Variants in CFAP91 observed in about 807,000 individuals in gnomAD.
CFAP91 encodes cilia and flagella associated protein 91.
CFAP91 carries 85 observed loss-of-function variants against 95.9 expected under a neutral mutation model. The observed-to-expected ratio is 0.89, with a 90% CI of 0.74 to 1.06. CFAP91 has a LOEUF of 1.06. CFAP91 is among the 50% of genes least tolerant of loss of function. The pLI is 0.00. For synonymous variants in CFAP91, 335 were observed against 327.5 expected (o/e 1.02, Z -0.25); for missense variants, 962 against 943.4 (o/e 1.02, Z -0.26).
chr3:119,709,893 C>A lies in CFAP91; in HGVS notation c.498C>A (p.Ser166=). The A allele has an allele frequency of 6.2e-7, 1 of 1,604,458 alleles. No homozygotes were observed. The highest frequency in any genetic ancestry group is 8.5e-7 in the Non-Finnish European group (1 of 1,171,554). ...QMPFNVVYAV[S]KAEPYTFPPT... ...CATTCAATGTTGTTTATGCCGTATC[C>A]AAGTAAGTAACCATTATTTGAAAAC... Residue 166 remains serine, a splice_region_variant and synonymous_variant, in exon 5 of 18, where the codon TCC becomes TCA. Transcript: ENST00000273390.
chr3:119,717,281 G>A (rs1005944459), intron 6 of CFAP91, among the ~76,000 whole-genome samples: 5 of 152,210 alleles, frequency 3.3e-5, no homozygotes, highest in South Asian at 2.1e-4. Flanking sequence ...CTCTTGGTGT[G>A]ATAAGGACTT....
chr3:119,727,114 G>A (rs145240461), intron 7 of CFAP91, among the ~76,000 whole-genome samples: 20 of 152,314 alleles, frequency 1.3e-4, no homozygotes, highest in African/African-American at 4.3e-4. Context: ...CGTTTGCTGA[G>A]TTTGTCCTTT....
At position 119,707,395 on chromosome 3, in the gene CFAP91, TA is replaced by T; in HGVS notation, c.202-7del. ...AATTTTGTCCTTTGCCTCCCTTCTC[TA>T]ACATTAGAGAAAAGTTCCCAGGTTT... On this transcript the variant is annotated splice_region_variant and splice_polypyrimidine_tract_variant and intron_variant, in intron 2 of 17. Transcript: ENST00000273390. The T allele has an allele frequency of 6.5e-7, 1 of 1,529,420 alleles. No homozygotes were observed. The highest frequency in any genetic ancestry group is 8.9e-7 in the Non-Finnish European group (1 of 1,126,944). The allele number at this position is 1,529,420 out of a possible 1,614,324, so 94.7% of individuals were successfully genotyped here.
intron 2 of CFAP91, 184 bp from the exon 3 acceptor site, chr3:119,707,220 C>T: frequency 1.9e-6 from 1 of 524,366 alleles, no homozygotes; most frequent in East Asian, 2.9e-5. Flanking sequence ...TCCACATAAA[C>T]AGCCATTGTC....
Position 119,743,975 on chromosome 3 carries a change from G to T in CFAP91, c.1681G>T (p.Val561Leu). The stretch of plus-strand genomic sequence containing the variant: ...TTAAAGTTATGTTATTCTTTTCAAG[G>T]TGTCACTGGTTGAAAACCATTTGGC... ...QRQRNLHEHK[V>L]SLVENHLAGL... Residue 561 changes from valine to leucine, a missense_variant and splice_region_variant, in exon 14 of 18, where the codon GTG becomes TTG. By Grantham distance (32) the Val-to-Leu change is conservative (BLOSUM62 1). Transcript: ENST00000273390. 6.3e-7 allele frequency: 1 copy of T among 1,597,334 alleles called. No individual in the cohort carries two copies. The highest frequency in any genetic ancestry group is 8.5e-7 in the Non-Finnish European group (1 of 1,170,042).
At chr3:119,726,913 G>A (rs897490081) in intron 7 of CFAP91, among the ~76,000 whole-genome samples, 1 of 149,982 alleles carries the variant, frequency 6.7e-6, no homozygotes, top group African/African-American at 2.5e-5. Flanking sequence ...GACAAATTAT[G>A]GAATTCTTCC....
intron 7 of CFAP91, 82 bp from the exon 8 acceptor site, chr3:119,730,131 CACAGAGA>C (rs766835433): frequency 1.5e-6 from 2 of 1,337,040 alleles, no homozygotes; most frequent in Non-Finnish European, 2.1e-6. Context: ...GATAGCAGCC[CACAGAGA>C]AGAGCCTGTC....
chr3:119,712,301 C>A (rs936315039), intron 5 of CFAP91, among the ~76,000 whole-genome samples: 1 of 152,218 alleles, frequency 6.6e-6, no homozygotes, highest in African/African-American at 2.4e-5. Flanking sequence ...TTCAAAGTAG[C>A]TTTCCTCTTT....
intron 17 of CFAP91, among the ~76,000 whole-genome samples, chr3:119,760,788 G>A (rs188966273): frequency 1.9e-4 from 29 of 150,364 alleles, no homozygotes; most frequent in African/African-American, 7.1e-4. Context: ...AGAAGTCAAA[G>A]AAGAAATGAA....
intron 16 of CFAP91, 81 bp downstream of exon 16, chr3:119,747,983 C>A: frequency 9.1e-7 from 1 of 1,097,390 alleles, no homozygotes; most frequent in Non-Finnish European, 1.3e-6. Context: ...TAAAATTAAA[C>A]AGAGGGATGA....
intron 3 of CFAP91, 87 bp from the exon 4 acceptor site, chr3:119,708,504 T>A (rs2053415943): frequency 1.3e-5 from 11 of 851,192 alleles, no homozygotes; most frequent in Non-Finnish European, 2.1e-5. Flanking sequence ...TCTGTGTAGG[T>A]CCTACTCTAT....
At chr3:119,749,991 A>G (rs1007730236) in intron 16 of CFAP91, among the ~76,000 whole-genome samples, 2 of 152,140 alleles carry the variant, frequency 1.3e-5, no homozygotes, top group African/African-American at 4.8e-5. Flanking sequence ...CTCATTTTTC[A>G]CTTAATGGAA....
chr3:119,721,136 AAG>A (rs1277270671), intron 6 of CFAP91, among the ~76,000 whole-genome samples: 5 of 152,244 alleles, frequency 3.3e-5, no homozygotes, highest in Non-Finnish European at 7.3e-5. Context: ...TGTATTTTAA[AAG>A]AGTGACTTAT....
At chr3:119,708,718 A>G (rs762751762) in intron 4 of CFAP91, 44 bp downstream of exon 4, 2 of 1,111,326 alleles carry the variant, frequency 1.8e-6, no homozygotes, top group South Asian at 2.7e-5. Context: ...TAATATTATT[A>G]GAGAACCTCT....
intron 5 of CFAP91, among the ~76,000 whole-genome samples, chr3:119,711,352 G>C (rs2053469294): frequency 6.6e-6 from 1 of 152,166 alleles, no homozygotes; most frequent in African/African-American, 2.4e-5. Context: ...AGCAAAAGGG[G>C]AGCTATGAGC....
chr3:119,734,932 C>T (rs2053972840), intron 10 of CFAP91, among the ~76,000 whole-genome samples: 2 of 152,162 alleles, frequency 1.3e-5, no homozygotes, highest in South Asian at 4.1e-4. Flanking sequence ...AAAATTTTAA[C>T]CACTACTGCA....
chr3:119,722,351 C>T (rs951057546), intron 6 of CFAP91, among the ~76,000 whole-genome samples: 8 of 152,024 alleles, frequency 5.3e-5, no homozygotes, highest in South Asian at 2.1e-4. Flanking sequence ...CCCAGCTACT[C>T]GGGAGGCTGA....
intron 6 of CFAP91, among the ~76,000 whole-genome samples, chr3:119,723,807 T>A (rs1462853669): frequency 6.6e-6 from 1 of 152,174 alleles, no homozygotes; most frequent in African/African-American, 2.4e-5. Context: ...CGTAATTATG[T>A]TTATGTGATA....
Position 119,730,378 on chromosome 3 carries a change from G to A in CFAP91, c.1018+1G>A, listed in dbSNP as rs2053872273. On this transcript the variant is annotated splice_donor_variant, in intron 8 of 17. Transcript: ENST00000273390. LOFTEE classifies it high-confidence loss of function. The stretch of plus-strand genomic sequence containing the variant: ...AAAATTCAGCGCACGCATGTATCAA[G>A]TAATGGTGTAGTATGAACAATGAAG... 6.2e-7 allele frequency: 1 copy of A among 1,613,646 alleles called. No homozygotes were observed. The highest frequency in any genetic ancestry group is 1.7e-4 in the Middle Eastern group (1 of 6,056).
Sources: allele counts gnomAD v4.1 joint callset (sites outside exome capture counted in the v4.1 genomes callset), GRCh38; gene constraint gnomAD v4.1.1; transcripts MANE v1.5; gene names NCBI Gene and HGNC (gene_info 2026-07-23, HGNC 2026-07-21).